SNRPE: variants seen among roughly 807,000 people sequenced by gnomAD.
The protein encoded by SNRPE is small nuclear ribonucleoprotein polypeptide E, also known as small nuclear ribonucleoprotein E.
For synonymous variants in SNRPE, 35 were observed against 36.7 expected, an observed-to-expected ratio of 0.95 and a Z score of 0.17; for missense variants, 53 against 111.6, an observed-to-expected ratio of 0.48 and a Z score of 2.36.
chr1:203,862,050 A>T (rs1449229901), intron 1 of SNRPE, 146 bp from the exon 2 acceptor site: 10 of 683,058 alleles, frequency 1.5e-5, no homozygotes, highest in Non-Finnish European at 2.7e-5. Context: ...CCCGTAACGA[A>T]TGCCCAGCTG....
At chr1:203,864,279 G>A (rs535779708) in intron 3 of SNRPE, among the ~76,000 whole-genome samples, 9 of 150,162 alleles carry the variant, frequency 6.0e-5, no homozygotes, top group East Asian at 1.9e-4. Context: ...AAAATTATTC[G>A]AAAAAAAAAT....
At position 203,863,700 on chromosome 1, in the gene SNRPE, A is replaced by C. The variant is rs1343825995; in HGVS notation, c.119A>C (p.Asn40Thr). The change falls in exon 3 of 5, where the codon AAT becomes ACT. Residue 40 changes from asparagine to threonine, a missense_variant. Physicochemically the swap from Asn to Thr is moderately conservative, Grantham distance 65. Coordinates refer to ENST00000414487, the MANE Select transcript of SNRPE (RefSeq NM_003094.4). ...RIQVWLYEQV[N>T]MRIEGCIIGF... ...CAGGTGTGGCTCTATGAGCAAGTGA[A>C]TATGCGGATAGAAGGCTGTATCATT... is the stretch of plus-strand genomic sequence containing the variant. The C allele has an allele frequency of 6.2e-7, 1 of 1,607,746 alleles. No individual in the cohort carries two copies. The highest frequency in any genetic ancestry group is 1.7e-5 in the Admixed American group (1 of 59,988).
rs1690203097 is a variant in SNRPE at position 203,870,919 on chromosome 1, T to C, written c.*987T>C. 1.3e-5 allele frequency among the ~76,000 whole-genome samples: 2 copies of C among 152,256 alleles called. No homozygotes were observed. The highest frequency in any genetic ancestry group is 2.9e-5 in the Non-Finnish European group (2 of 68,052). On this transcript the variant is annotated 3_prime_UTR_variant, in exon 5 of 5. Coordinates refer to ENST00000414487, the MANE Select transcript of SNRPE (RefSeq NM_003094.4). The stretch of plus-strand genomic sequence containing the variant: ...AGTTCTGCTAAAGGCCATGTTGTTA[T>C]TAAGGACGGGTGAGGAAGGACCAAG...
intron 4 of SNRPE, among the ~76,000 whole-genome samples, chr1:203,868,309 G>C (rs1187351369): frequency 2.0e-5 from 3 of 152,076 alleles, no homozygotes; most frequent in Non-Finnish European, 4.4e-5. Flanking sequence ...ACCTGCCTCG[G>C]CCTCCCAAAT....
At position 203,862,235 on chromosome 1, in the gene SNRPE, C is replaced by T. The variant is rs1689992693; in HGVS notation, c.81+13C>T. ...ATACTTACAAAATGTACGTAAGTTG[C>T]TTGTTTCGTAACTACTTTTTAAATA... On this transcript the variant is annotated intron_variant, in intron 2 of 4. Transcript: ENST00000414487. 6 of 1,593,300 alleles carry T rather than the reference C, an allele frequency of 3.8e-6. No homozygotes were observed. The highest frequency in any genetic ancestry group is 2.7e-5 in the African/African-American group (2 of 74,640).
intron 2 of SNRPE, 148 bp downstream of exon 2, chr1:203,862,370 TAGAA>T (rs1233430756): frequency 4.6e-6 from 3 of 652,632 alleles, no homozygotes; most frequent in African/African-American, 1.8e-5. Context: ...AAGGAGTACT[TAGAA>T]AGCACTAATG....
At chr1:203,868,525 T>G (rs1690142023) in intron 4 of SNRPE, among the ~76,000 whole-genome samples, 1 of 152,204 alleles carries the variant, frequency 6.6e-6, no homozygotes, top group Non-Finnish European at 1.5e-5. Context: ...GTTTCAGGTG[T>G]CTCTCTTTCA....
In SNRPE at chr1:203,870,104, T is replaced by C; in HGVS notation, c.*172T>C. 1 of 507,532 alleles carries C rather than the reference T, an allele frequency of 2.0e-6. No homozygotes were observed. Among genetic ancestry groups the C allele is most frequent in the Non-Finnish European group, 3.5e-6 (1 of 289,340 alleles). The allele number at this position is 507,532 out of a possible 1,614,324, so 31.4% of individuals were successfully genotyped here. Reference sequence around the variant, plus strand: ...AAAAAATTTACATTGCTTCTTACTATTCAGCAGTAGAAACTTTTTACACAG... The same window carrying C: ...AAAAAATTTACATTGCTTCTTACTACTCAGCAGTAGAAACTTTTTACACAG... On this transcript the variant is annotated 3_prime_UTR_variant, in exon 5 of 5. Coordinates refer to ENST00000414487, the MANE Select transcript of SNRPE (RefSeq NM_003094.4).
At chr1:203,864,829 G>A (rs1363703172) in intron 3 of SNRPE, among the ~76,000 whole-genome samples, 5 of 146,268 alleles carry the variant, frequency 3.4e-5, no homozygotes, top group African/African-American at 1.3e-4. Flanking sequence ...GTAAGCCGAG[G>A]TTGCACCACT....
chr1:203,863,552 C>T (rs1690021281), intron 2 of SNRPE, 111 bp from the exon 3 acceptor site: 13 of 740,818 alleles, frequency 1.8e-5, no homozygotes, highest in Non-Finnish European at 2.4e-6. Context: ...ATCTCTTGAC[C>T]TTGTGATCCA....
chr1:203,866,808 A>G (rs1193412443), intron 4 of SNRPE, among the ~76,000 whole-genome samples: 1 of 152,052 alleles, frequency 6.6e-6, no homozygotes, highest in Non-Finnish European at 1.5e-5. Flanking sequence ...TTCATGATCT[A>G]GTCTTATCTC....
At chr1:203,864,995 T>C in intron 3 of SNRPE, 46 bp from the exon 4 acceptor site, 1 of 1,585,244 alleles carries the variant, frequency 6.3e-7, no homozygotes. Flanking sequence ...TTAAAATGGT[T>C]TGAATGTGAT....
chr1:203,864,966 T>G lies in SNRPE; in HGVS notation c.145-75T>G. The stretch of plus-strand genomic sequence containing the variant: ...TCTTTGAAGTTAGTTGGAGTTTTTA[T>G]CTGCATAGGTATACTCATTTAAAAT... On this transcript the variant is annotated intron_variant, in intron 3 of 4. Coordinates refer to ENST00000414487, the MANE Select transcript of SNRPE (RefSeq NM_003094.4). 2.1e-6 allele frequency: 3 copies of G among 1,405,374 alleles called. No individual in the cohort carries two copies. In the South Asian group the frequency reaches 4.6e-5, roughly 22 times the overall value. The allele number at this position is 1,405,374 out of a possible 1,614,324, so 87.1% of individuals were successfully genotyped here.
In SNRPE at chr1:203,865,027, G is replaced by C. The variant is rs987933361; in HGVS notation, c.145-14G>C. On this transcript the variant is annotated splice_polypyrimidine_tract_variant and intron_variant, in intron 3 of 4. Coordinates refer to ENST00000414487, the MANE Select transcript of SNRPE (RefSeq NM_003094.4). ...TGATTTTCTTTGAAGATAACAGTTT[G>C]TTTATTTTTCTAGGGTTTTGATGAG... is the stretch of plus-strand genomic sequence containing the variant. 5.6e-6 allele frequency: 9 copies of C among 1,602,110 alleles called. No individual in the cohort carries two copies. In the African/African-American group the frequency reaches 1.2e-4, roughly 22 times the overall value.
In SNRPE at chr1:203,870,085, T is replaced by A. The variant is rs1690184414; in HGVS notation, c.*153T>A. On this transcript the variant is annotated 3_prime_UTR_variant, in exon 5 of 5. Coordinates refer to ENST00000414487, the MANE Select transcript of SNRPE (RefSeq NM_003094.4). The stretch of plus-strand genomic sequence containing the variant: ...CTATGGGATTGTTTGTATTAAAAAA[T>A]TTACATTGCTTCTTACTATTCAGCA... 1.3e-5 allele frequency: 7 copies of A among 535,732 alleles called. No individual in the cohort carries two copies. The highest frequency in any genetic ancestry group is 7.9e-5 in the South Asian group (3 of 37,762). The allele number at this position is 535,732 out of a possible 1,614,324, so 33.2% of individuals were successfully genotyped here.
chr1:203,862,548 A>G (rs1689998546), intron 2 of SNRPE, among the ~76,000 whole-genome samples: 1 of 152,214 alleles, frequency 6.6e-6, no homozygotes, highest in African/African-American at 2.4e-5. Flanking sequence ...TGGCTAGAAC[A>G]TTGGAACCTC....
At position 203,869,455 on chromosome 1, in the gene SNRPE, C is replaced by T. The variant is rs191413566; in HGVS notation, c.224-422C>T. ...CCAAGTAGCTGGGATTACAGGCACGCGCCACCAGGCTCTGCTAATTTTGTA... is the reference window on the plus strand; with the variant it reads ...CCAAGTAGCTGGGATTACAGGCACGTGCCACCAGGCTCTGCTAATTTTGTA... On this transcript the variant is annotated intron_variant, in intron 4 of 4. Coordinates refer to ENST00000414487, the MANE Select transcript of SNRPE (RefSeq NM_003094.4). Among the ~76,000 whole-genome samples, 726 of 151,904 alleles carry T rather than the reference C, an allele frequency of 4.8e-3. 4 individuals carry two copies. Among genetic ancestry groups the T allele is most frequent in the Admixed American group, 8.3e-3 (127 of 15,240 alleles).
At chr1:203,866,283 C>G (rs1430618786) in intron 4 of SNRPE, among the ~76,000 whole-genome samples, 1 of 152,204 alleles carries the variant, frequency 6.6e-6, no homozygotes, top group African/African-American at 2.4e-5. Flanking sequence ...CACCTTGGCT[C>G]TACGATATTA....
At chr1:203,868,914 C>T (rs1690150865) in intron 4 of SNRPE, among the ~76,000 whole-genome samples, 1 of 152,194 alleles carries the variant, frequency 6.6e-6, no homozygotes, top group South Asian at 2.1e-4. Flanking sequence ...GGCATTCCAC[C>T]CACCTTGGCC....
Sources: allele counts gnomAD v4.1 joint callset (sites outside exome capture counted in the v4.1 genomes callset), GRCh38; gene constraint gnomAD v4.1.1; transcripts MANE v1.5; gene names NCBI Gene and HGNC (gene_info 2026-07-23, HGNC 2026-07-21).